UBE3D: variants seen among roughly 807,000 people sequenced by gnomAD.
The protein encoded by UBE3D is E3 ubiquitin-protein ligase E3D.
A neutral mutation model predicts 49.6 loss-of-function variants in UBE3D; 48 were observed. The ratio of observed to expected loss-of-function variants is 0.97; its 90% confidence interval spans 0.77 to 1.23. UBE3D has a LOEUF of 1.23. Among genes scored for constraint, UBE3D ranks in the 50% most tolerant of loss-of-function variants. The pLI is 0.00. For synonymous variants in UBE3D, 189 were observed against 174.2 expected, an observed-to-expected ratio of 1.08 and a Z score of -0.67; for missense variants, 452 against 468.4, an observed-to-expected ratio of 0.96 and a Z score of 0.32.
At chr6:82,996,844 A>G (rs770576904) in intron 8 of UBE3D, among the ~76,000 whole-genome samples, 1 of 152,246 alleles carries the variant, frequency 6.6e-6, no homozygotes, top group Admixed American at 6.5e-5. Context: ...CAAAGGAGAT[A>G]TGACAAATTA....
intron 5 of UBE3D, chr6:83,037,831 T>C (rs1782372187): frequency 6.6e-6 from 1 of 152,224 alleles, no homozygotes; most frequent in Non-Finnish European, 1.5e-5. Flanking sequence ...ATATAATCAA[T>C]GCTACTGGGG....
chr6:82,958,483 T>C (rs1776325061), intron 8 of UBE3D, among the ~76,000 whole-genome samples: 1 of 152,190 alleles, frequency 6.6e-6, no homozygotes, highest in South Asian at 2.1e-4. Context: ...AATGGAAACT[T>C]GGAGAGAATC....
chr6:83,046,676 G>GGGA lies in UBE3D; in HGVS notation c.366-2018_366-2017insTCC, dbSNP rs1554211657. On this transcript the variant is annotated intron_variant, in intron 3 of 9. Transcript: ENST00000369747. ...GTTCTAAATTCTTGCAGTTGGCGGG[G>GGGA]GGGGTGGGCGGTGGCACCGGGGGAG... is the stretch of plus-strand genomic sequence containing the variant. Among the ~76,000 whole-genome samples the GGGA allele has an allele frequency of 9.4e-5, 13 of 138,300 alleles. No individual in the cohort carries two copies. The Admixed American group carries it at 9.6e-4, about 10-fold the overall frequency. The allele number at this position is 138,300 out of a possible 152,430, so 90.7% of individuals were successfully genotyped here. A position where few individuals can be genotyped will look rare whatever the true frequency, so the allele number is the denominator to read the frequency against.
At chr6:82,893,783 A>G (rs1771111207) in intron 9 of UBE3D, among the ~76,000 whole-genome samples, 1 of 152,196 alleles carries the variant, frequency 6.6e-6, no homozygotes, top group Non-Finnish European at 1.5e-5. Flanking sequence ...AAGTAAAAAC[A>G]TTCTACTCTT....
chr6:82,945,204 G>C (rs1040388160), intron 9 of UBE3D, among the ~76,000 whole-genome samples: 6 of 152,220 alleles, frequency 3.9e-5, no homozygotes, highest in African/African-American at 1.2e-4. Flanking sequence ...AGCAGTCTTT[G>C]TGATGGTGGC....
intron 3 of UBE3D, among the ~76,000 whole-genome samples, chr6:83,045,072 A>T (rs1782940452): frequency 6.6e-6 from 1 of 152,160 alleles, no homozygotes; most frequent in Admixed American, 6.5e-5. Flanking sequence ...GATTCCCTCA[A>T]CTGTTAGATA....
intron 5 of UBE3D, chr6:83,038,039 A>G (rs1782389274): frequency 6.5e-6 from 1 of 152,784 alleles, no homozygotes; most frequent in Admixed American, 6.6e-5. Context: ...GTGAGTTACC[A>G]GGAAGGTAAA....
At position 82,971,454 on chromosome 6, in the gene UBE3D, T is replaced by A. The variant is rs181163791; in HGVS notation, c.1011-14004A>T. ...ACACTTGGCATTACTAGATTCCCTG[T>A]CCCATAGGGGCCAAACTCAGCTGAC... On this transcript the variant is annotated intron_variant, in intron 8 of 9. Transcript: ENST00000369747. 1.1e-3 allele frequency among the ~76,000 whole-genome samples: 165 copies of A among 152,028 alleles called. 2 individuals carry two copies. Among genetic ancestry groups the A allele is most frequent in the African/African-American group, 3.9e-3 (160 of 41,442 alleles).
At chr6:82,919,730 T>G (rs183547681) in intron 9 of UBE3D, among the ~76,000 whole-genome samples, 22 of 152,264 alleles carry the variant, frequency 1.4e-4, no homozygotes, top group African/African-American at 5.3e-4. Flanking sequence ...TAGCATGGCA[T>G]AGAGGAAGTA....
chr6:82,883,059 T>C, the UBE3D span, among the ~76,000 whole-genome samples: 1 of 152,206 alleles, frequency 6.6e-6, no homozygotes, highest in Non-Finnish European at 1.5e-5. Context: ...GTAAACCTGG[T>C]CATTATATTC....
intron 9 of UBE3D, among the ~76,000 whole-genome samples, chr6:82,939,748 G>C (rs1774868714): frequency 6.6e-6 from 1 of 152,166 alleles, no homozygotes; most frequent in Non-Finnish European, 1.5e-5. Context: ...TCTCTGTGAT[G>C]CCTCATGACA....
chr6:83,029,860 C>CT (rs1278584943), intron 5 of UBE3D, among the ~76,000 whole-genome samples: 2 of 152,104 alleles, frequency 1.3e-5, no homozygotes, highest in African/African-American at 4.8e-5. Flanking sequence ...AGCAAGTATC[C>CT]ACTGTACCTG....
intron 8 of UBE3D, among the ~76,000 whole-genome samples, chr6:82,969,565 C>T (rs1340311686): frequency 1.3e-5 from 2 of 152,030 alleles, no homozygotes; most frequent in African/African-American, 4.8e-5. Flanking sequence ...TCAAGATCAT[C>T]CCACTGCACT....
At chr6:83,059,256 G>A (rs1202829621) in intron 1 of UBE3D, among the ~76,000 whole-genome samples, 1 of 152,080 alleles carries the variant, frequency 6.6e-6, no homozygotes, top group Non-Finnish European at 1.5e-5. Context: ...GGGTATAGTG[G>A]CACGCACCTG....
chr6:83,063,434 A>AAAAG (rs1784303973), intron 1 of UBE3D, among the ~76,000 whole-genome samples: 1 of 150,206 alleles, frequency 6.7e-6, no homozygotes, highest in African/African-American at 2.4e-5. Flanking sequence ...AAAAAAAAAA[A>AAAAG]AAAGAAAAGA....
chr6:82,957,474 T>TGCATTCATAA, intron 8 of UBE3D, 24 bp from the exon 9 acceptor site: 2 of 1,585,286 alleles, frequency 1.3e-6, no homozygotes, highest in Non-Finnish European at 1.7e-6. Context: ...ACACATTAAC[T>TGCATTCATAA]TTCAAAAATG....
chr6:82,990,439 A>T (rs1582566987), intron 8 of UBE3D, among the ~76,000 whole-genome samples: 1 of 152,064 alleles, frequency 6.6e-6, no homozygotes, highest in Non-Finnish European at 1.5e-5. Context: ...CAGCACACCC[A>T]GCTACTTTTT....
chr6:82,932,258 T>C (rs1457385210), intron 9 of UBE3D, among the ~76,000 whole-genome samples: 4 of 152,132 alleles, frequency 2.6e-5, no homozygotes, highest in African/African-American at 9.7e-5. Flanking sequence ...ACCACTACAG[T>C]ATCATATAGA....
chr6:83,014,170 C>T (rs1173792789), intron 8 of UBE3D, among the ~76,000 whole-genome samples: 2 of 152,192 alleles, frequency 1.3e-5, no homozygotes, highest in Non-Finnish European at 2.9e-5. Flanking sequence ...TACAATAATC[C>T]ACTGTCGTTC....
Sources: allele counts gnomAD v4.1 joint callset (sites outside exome capture counted in the v4.1 genomes callset), GRCh38; gene constraint gnomAD v4.1.1; transcripts MANE v1.5; gene names NCBI Gene and HGNC (gene_info 2026-07-23, HGNC 2026-07-21).